Variants in SLC9B1 observed in about 807,000 individuals in gnomAD.
The protein encoded by SLC9B1 is sodium/hydrogen exchanger 9B1.
In SLC9B1, 32 loss-of-function variants were observed where a neutral mutation model predicts 51.7. The ratio of observed to expected loss-of-function variants is 0.62; its 90% CI spans 0.47 to 0.83. The LOEUF is 0.83. SLC9B1 is among the 40% of genes least tolerant of loss of function. The probability of loss-of-function intolerance (pLI) is 0.00; values close to 1 mark genes in which losing one functional copy is unlikely to be tolerated. For missense variants in SLC9B1, 406 were observed against 613.2 expected (o/e 0.66, Z 3.57); for synonymous variants, 145 against 212.7 (o/e 0.68, Z 2.77).
chr4:102,936,407 C>T (rs1736725569), intron 6 of SLC9B1, among the ~76,000 whole-genome samples: 1 of 152,090 alleles, frequency 6.6e-6, no homozygotes, highest in African/African-American at 2.4e-5. Context: ...GGTTGTTAAC[C>T]AGGATTAAAT....
At chr4:102,904,596 A>G (rs995600948) in intron 11 of SLC9B1, among the ~76,000 whole-genome samples, 1 of 152,062 alleles carries the variant, frequency 6.6e-6, no homozygotes, top group Non-Finnish European at 1.5e-5. Flanking sequence ...ATAATCCCAG[A>G]ACTTTAGGAG....
intron 3 of SLC9B1, among the ~76,000 whole-genome samples, chr4:102,986,466 C>T (rs978908927): frequency 6.6e-6 from 1 of 152,018 alleles, no homozygotes; most frequent in African/African-American, 2.4e-5. Context: ...TGGACATTTA[C>T]CCTGTTTGGT....
Position 103,019,690 on chromosome 4 carries a change from G to T in SLC9B1, c.-93C>A, listed in dbSNP as rs898929556. The T allele has an allele frequency of 3.7e-5, 36 of 985,406 alleles. No homozygotes were observed. The highest frequency in any genetic ancestry group is 4.0e-5 in the Non-Finnish European group (33 of 829,980). 61.0% of individuals were successfully genotyped at this position (985,406 alleles called of 1,614,324 possible). A position where few individuals can be genotyped will look rare whatever the true frequency, so the allele number is the denominator to read the frequency against. On this transcript the variant is annotated 5_prime_UTR_variant, in exon 1 of 12. Coordinates refer to ENST00000296422, the MANE Select transcript of SLC9B1 (RefSeq NM_139173.4). ...GCCACGCGCCACCCAGGTGGGCAGGGTGGTGACGCGAAAGCCCGGATAGAC... is the reference window on the plus strand; with the variant it reads ...GCCACGCGCCACCCAGGTGGGCAGGTTGGTGACGCGAAAGCCCGGATAGAC...
At chr4:102,933,395 C>T (rs916757296) in intron 6 of SLC9B1, among the ~76,000 whole-genome samples, 1 of 152,244 alleles carries the variant, frequency 6.6e-6, no homozygotes, top group African/African-American at 2.4e-5. Flanking sequence ...CTAGACTTCT[C>T]TAAGACCACA....
chr4:102,986,252 TTG>T (rs933864422), intron 3 of SLC9B1, among the ~76,000 whole-genome samples: 2 of 101,234 alleles, frequency 2.0e-5, no homozygotes, highest in Non-Finnish European at 3.8e-5. Flanking sequence ...AAGGCTGGTG[TTG>T]TTTTTTTTTT....
intron 5 of SLC9B1, among the ~76,000 whole-genome samples, chr4:102,945,573 T>C (rs899407424): frequency 5.3e-5 from 8 of 152,072 alleles, no homozygotes; most frequent in Non-Finnish European, 1.0e-4. Flanking sequence ...TTTACTGTGA[T>C]TAAATAGCTA....
chr4:102,974,679 C>A lies in SLC9B1; in HGVS notation c.211+15121G>T, dbSNP rs189708049. Among the ~76,000 whole-genome samples the A allele has an allele frequency of 3.9e-5, 6 of 152,098 alleles. No individual in the cohort carries two copies. The South Asian group carries it at 6.2e-4, about 16-fold the overall frequency. ...CAGTAAATACTTTCTCAGAAAACAC[C>A]CACTAGTATGAGATACTTTAATATG... On this transcript the variant is annotated intron_variant, in intron 3 of 11. Transcript: ENST00000296422.
chr4:102,914,996 A>T lies in SLC9B1; in HGVS notation c.830-3459T>A, dbSNP rs565722590. On this transcript the variant is annotated intron_variant, in intron 7 of 11. Transcript: ENST00000296422. ...AGAATTTTGAAAGGAACAGGATCAA[A>T]GCAACTTTTCACATACAAGGGAGAT... Among the ~76,000 whole-genome samples, 96 of 152,374 alleles carry T rather than the reference A, an allele frequency of 6.3e-4. No individual in the cohort carries two copies. In the Middle Eastern group the frequency reaches 0.017, roughly 27 times the overall value.
chr4:103,009,871 A>G (rs1298460233), intron 1 of SLC9B1, among the ~76,000 whole-genome samples: 3 of 152,172 alleles, frequency 2.0e-5, no homozygotes, highest in East Asian at 3.9e-4. Flanking sequence ...ACCTACATGC[A>G]TGCATAACAG....
At chr4:102,942,591 C>A (rs557812058) in intron 6 of SLC9B1, among the ~76,000 whole-genome samples, 1 of 152,208 alleles carries the variant, frequency 6.6e-6, no homozygotes, top group African/African-American at 2.4e-5. Flanking sequence ...ACACCCTATT[C>A]AACAAATGGT....
At chr4:103,004,733 C>A (rs1371188220) in intron 1 of SLC9B1, among the ~76,000 whole-genome samples, 2 of 152,122 alleles carry the variant, frequency 1.3e-5, no homozygotes, top group Non-Finnish European at 2.9e-5. Context: ...TAAGAGTGGA[C>A]CTTTCAGCAG....
chr4:102,885,464 T>G (rs1733859479), intron 11 of SLC9B1: 1 of 1,554,766 alleles, frequency 6.4e-7, no homozygotes, highest in African/African-American at 1.4e-5. Context: ...ACTAAAATTT[T>G]GCAGTGCTAG....
At chr4:102,981,819 T>A (rs926670922) in intron 3 of SLC9B1, among the ~76,000 whole-genome samples, 1 of 152,192 alleles carries the variant, frequency 6.6e-6, no homozygotes, top group Non-Finnish European at 1.5e-5. Context: ...TTCATTCTCT[T>A]GAAAGTGTAT....
rs1735279931 is a variant in SLC9B1, at chr4:102,910,369, G to A, written c.1086+70C>T. The A allele has an allele frequency of 2.2e-6, 3 of 1,359,158 alleles. No homozygotes were observed. The Admixed American group carries it at 8.0e-5, about 36-fold the overall frequency. The allele number at this position is 1,359,158 out of a possible 1,614,324, so 84.2% of individuals were successfully genotyped here. On this transcript the variant is annotated intron_variant, in intron 9 of 11. Transcript: ENST00000296422. Reference sequence around the variant, plus strand: ...GAACATTTTCCAACCAGAATGAGGGGATTTCCTAAATATATGTAAAAAATT... The same window carrying A: ...GAACATTTTCCAACCAGAATGAGGGAATTTCCTAAATATATGTAAAAAATT...
chr4:102,930,445 A>G (rs1025475813), intron 7 of SLC9B1, among the ~76,000 whole-genome samples: 11 of 152,208 alleles, frequency 7.2e-5, no homozygotes, highest in African/African-American at 2.7e-4. Flanking sequence ...TTTTTGAGAC[A>G]GTGTCTCACT....
intron 3 of SLC9B1, chr4:102,962,436 T>C (rs1738186964): frequency 5.7e-6 from 3 of 524,772 alleles, no homozygotes; most frequent in Non-Finnish European, 1.2e-5. Context: ...TTCCACTGAA[T>C]ACACTAGAAA....
chr4:102,976,738 T>A (rs1739091815), intron 3 of SLC9B1, among the ~76,000 whole-genome samples: 1 of 152,184 alleles, frequency 6.6e-6, no homozygotes, highest in Admixed American at 6.5e-5. Flanking sequence ...GAGAGGTAAG[T>A]AAATTTGTCC....
At chr4:102,918,088 A>AG (rs1735674300) in intron 7 of SLC9B1, among the ~76,000 whole-genome samples, 1 of 116,792 alleles carries the variant, frequency 8.6e-6, no homozygotes, top group Non-Finnish European at 1.7e-5. Context: ...AAAAAAAAAA[A>AG]GGCTAGAGAA....
intron 1 of SLC9B1, among the ~76,000 whole-genome samples, chr4:103,017,567 C>G (rs1188923142): frequency 6.6e-6 from 1 of 152,146 alleles, no homozygotes; most frequent in Non-Finnish European, 1.5e-5. Flanking sequence ...TCTTTCCTTC[C>G]TTAGGGCTCT....
Sources: gnomAD v4.1 joint callset for allele counts (sites outside exome capture counted in the v4.1 genomes callset) on GRCh38, gnomAD v4.1.1 for gene constraint, MANE v1.5 for transcripts, NCBI Gene and HGNC (gene_info 2026-07-23, HGNC 2026-07-21) for gene names.